XPR1: variants seen among roughly 807,000 people sequenced by gnomAD.
XPR1 encodes the protein solute carrier family 53 member 1.
In XPR1, 28 loss-of-function variants were observed where a neutral mutation model predicts 87.5. The ratio of observed to expected loss-of-function variants is 0.32; its 90% CI spans 0.24 to 0.44. The LOEUF is 0.44. Ranked by LOEUF, XPR1 falls within the 20% of genes least tolerant of loss-of-function variation. The pLI is 1.00. For missense variants in XPR1, 559 were observed against 862.3 expected (o/e 0.65, Z 4.41); for synonymous variants, 300 against 306.1 (o/e 0.98, Z 0.21).
At chr1:180,800,568 A>G (rs1649743010) in intron 3 of XPR1, among the ~76,000 whole-genome samples, 1 of 152,242 alleles carries the variant, frequency 6.6e-6, no homozygotes, top group Non-Finnish European at 1.5e-5. Flanking sequence ...GAACCTAGCC[A>G]CATCATGCTT....
chr1:180,806,328 T>C, intron 5 of XPR1, 117 bp downstream of exon 5: 3 of 1,483,928 alleles, frequency 2.0e-6, no homozygotes, highest in Admixed American at 4.3e-5. Context: ...ATATATGCCT[T>C]ACCTGTGATT....
intron 2 of XPR1, among the ~76,000 whole-genome samples, chr1:180,774,610 T>G (rs1648641387): frequency 1.3e-5 from 2 of 152,038 alleles, no homozygotes; most frequent in African/African-American, 4.8e-5. Context: ...GGTTTCACCG[T>G]GTTAGCCAGG....
At chr1:180,849,508 T>G (rs192114797) in intron 11 of XPR1, among the ~76,000 whole-genome samples, 88 of 152,298 alleles carry the variant, frequency 5.8e-4, no homozygotes, top group African/African-American at 2.0e-3. Context: ...ATTTGCATTT[T>G]TACCATGTCT....
At chr1:180,777,123 G>C (rs573644370) in intron 2 of XPR1, among the ~76,000 whole-genome samples, 10 of 152,216 alleles carry the variant, frequency 6.6e-5, no homozygotes, top group African/African-American at 2.4e-4. Flanking sequence ...AGCTAATATA[G>C]GTAGTTGGCA....
At chr1:180,661,715 A>T (rs1410598871) in intron 1 of XPR1, among the ~76,000 whole-genome samples, 4 of 152,094 alleles carry the variant, frequency 2.6e-5, no homozygotes, top group Non-Finnish European at 5.9e-5. Context: ...ACTAAAAAAA[A>T]TATGCAAAAA....
chr1:180,667,913 A>G (rs759524131), intron 1 of XPR1, among the ~76,000 whole-genome samples: 2 of 151,972 alleles, frequency 1.3e-5, no homozygotes, highest in South Asian at 4.2e-4. Flanking sequence ...TTTTATTTCT[A>G]TAGAATCAGT....
intron 7 of XPR1, among the ~76,000 whole-genome samples, chr1:180,821,006 C>CT (rs67840913): frequency 2.9e-4 from 43 of 148,276 alleles, no homozygotes; most frequent in East Asian, 1.8e-3. Flanking sequence ...ATATTCCTCC[C>CT]TTTTTTTTTT....
At chr1:180,755,712 T>G (rs1647710780) in intron 2 of XPR1, among the ~76,000 whole-genome samples, 1 of 152,254 alleles carries the variant, frequency 6.6e-6, no homozygotes, top group Non-Finnish European at 1.5e-5. Context: ...AAAACTGTGA[T>G]ACCATTTTTA....
intron 3 of XPR1, among the ~76,000 whole-genome samples, chr1:180,797,008 G>A: frequency 6.6e-6 from 1 of 152,072 alleles, no homozygotes; most frequent in East Asian, 1.9e-4. Flanking sequence ...TGGGGTAGGG[G>A]GTGGAAGTGG....
At chr1:180,650,616 G>A (rs997716138) in intron 1 of XPR1, among the ~76,000 whole-genome samples, 1 of 152,118 alleles carries the variant, frequency 6.6e-6, no homozygotes, top group Non-Finnish European at 1.5e-5. Flanking sequence ...CACTTTCATT[G>A]ATACCTCTAG....
intron 9 of XPR1, among the ~76,000 whole-genome samples, chr1:180,829,362 G>C (rs1650974515): frequency 6.6e-6 from 1 of 152,162 alleles, no homozygotes; most frequent in Admixed American, 6.5e-5. Flanking sequence ...TCACAGGGTA[G>C]AAGTGGAGAA....
At chr1:180,680,442 T>TG (rs1258742416) in intron 1 of XPR1, among the ~76,000 whole-genome samples, 1 of 147,488 alleles carries the variant, frequency 6.8e-6, no homozygotes, top group African/African-American at 2.5e-5. Flanking sequence ...CTTGGGTCAT[T>TG]GCAACCTCTG....
chr1:180,774,476 C>T (rs558298964), intron 2 of XPR1, among the ~76,000 whole-genome samples: 28 of 149,212 alleles, frequency 1.9e-4, no homozygotes, highest in Admixed American at 4.0e-4. Flanking sequence ...CTGCAAGCTC[C>T]GCCTCCCGGG....
intron 2 of XPR1, among the ~76,000 whole-genome samples, chr1:180,723,094 A>G (rs1658226755): frequency 6.6e-6 from 1 of 152,220 alleles, no homozygotes; most frequent in African/African-American, 2.4e-5. Context: ...TACAGAGCAT[A>G]CAACTTACAA....
chr1:180,800,438 A>G (rs1450437724), intron 3 of XPR1, among the ~76,000 whole-genome samples: 1 of 152,244 alleles, frequency 6.6e-6, no homozygotes, highest in East Asian at 1.9e-4. Flanking sequence ...AGAGCCAGCA[A>G]GGAAACAGTC....
intron 2 of XPR1, among the ~76,000 whole-genome samples, chr1:180,720,642 A>G (rs1227655837): frequency 6.6e-6 from 1 of 152,186 alleles, no homozygotes; most frequent in Non-Finnish European, 1.5e-5. Context: ...GGTACTTGTT[A>G]TAAATGCTAA....
At chr1:180,713,963 C>G (rs568529737) in intron 2 of XPR1, among the ~76,000 whole-genome samples, 245 of 152,082 alleles carry the variant, frequency 1.6e-3, no homozygotes, top group Non-Finnish European at 2.8e-3. Context: ...TTCTTTTTAA[C>G]TGTTTGGTAG....
intron 11 of XPR1, among the ~76,000 whole-genome samples, chr1:180,857,420 C>T (rs1652073616): frequency 6.6e-6 from 1 of 152,138 alleles, no homozygotes; most frequent in South Asian, 2.1e-4. Flanking sequence ...AAATAAGATT[C>T]ACTGTTGTGT....
In XPR1 at chr1:180,659,110, T is replaced by C. The variant is rs1339227957; in HGVS notation, c.70-23250T>C. Among the ~76,000 whole-genome samples the C allele has an allele frequency of 1.2e-3, 117 of 99,252 alleles. 1 individual carries two copies. The highest frequency in any genetic ancestry group is 4.4e-3 in the African/African-American group (94 of 21,128). The allele number at this position is 99,252 out of a possible 152,430, so 65.1% of individuals were successfully genotyped here. ...TTCCTTCCTCCCTCCCTCCCTCCCT[T>C]CCTCCCTCCCTCCTTCCCTCCCTCC... is the stretch of plus-strand genomic sequence containing the variant. On this transcript the variant is annotated intron_variant, in intron 1 of 14. Transcript: ENST00000367590.
Sources: allele counts gnomAD v4.1 joint callset (sites outside exome capture counted in the v4.1 genomes callset), GRCh38; gene constraint gnomAD v4.1.1; transcripts MANE v1.5; gene names NCBI Gene and HGNC (gene_info 2026-07-23, HGNC 2026-07-21).